Variants in KCNMA1 observed in about 807,000 individuals in gnomAD.
KCNMA1 encodes potassium calcium-activated channel subfamily M alpha 1.
Under a neutral mutation model 140.0 loss-of-function variants are expected in KCNMA1, and 29 were observed. The observed-to-expected ratio is 0.21, with a 90% CI of 0.15 to 0.28. The LOEUF (loss-of-function observed/expected upper bound fraction) is 0.28. Ranked by LOEUF, KCNMA1 falls within the 10% of genes least tolerant of loss-of-function variation. The pLI is 1.00. For synonymous variants in KCNMA1, 612 were observed against 611.9 expected, an observed-to-expected ratio of 1.00 and a Z score of 0.00; for missense variants, 880 against 1,602.2, an observed-to-expected ratio of 0.55 and a Z score of 7.70.
chr10:77,097,489 ACT>A (rs552902488), intron 9 of KCNMA1, among the ~76,000 whole-genome samples: 2 of 151,918 alleles, frequency 1.3e-5, no homozygotes, highest in Non-Finnish European at 2.9e-5. Flanking sequence ...CATCTTGGAG[ACT>A]CTATCCCATG....
At chr10:77,549,850 G>A (rs745393533) in intron 1 of KCNMA1, among the ~76,000 whole-genome samples, 8 of 152,204 alleles carry the variant, frequency 5.3e-5, no homozygotes, top group South Asian at 4.1e-4. Context: ...TACTAAATAC[G>A]TGAGAAATTC....
intron 21 of KCNMA1, 184 bp from the exon 22 acceptor site, chr10:76,949,550 T>C: frequency 3.2e-6 from 2 of 625,380 alleles, no homozygotes; most frequent in South Asian, 3.8e-5. Flanking sequence ...AGCACGTGTA[T>C]ATGTATTATA....
At chr10:77,532,047 A>T (rs2057757346) in intron 1 of KCNMA1, among the ~76,000 whole-genome samples, 1 of 152,200 alleles carries the variant, frequency 6.6e-6, no homozygotes, top group Non-Finnish European at 1.5e-5. Flanking sequence ...AACAAAGAAA[A>T]ATGAAGAGGA....
intron 2 of KCNMA1, among the ~76,000 whole-genome samples, chr10:77,291,675 C>T (rs192980378): frequency 3.3e-4 from 50 of 152,276 alleles, no homozygotes; most frequent in Middle Eastern, 6.8e-3. Flanking sequence ...AGAGAGGCTG[C>T]GGTGAGCTGC....
chr10:76,906,813 C>T (rs2048012553), intron 25 of KCNMA1, among the ~76,000 whole-genome samples: 1 of 152,138 alleles, frequency 6.6e-6, no homozygotes, highest in African/African-American at 2.4e-5. Flanking sequence ...GGGTAGAATG[C>T]AAAGAAATCA....
In KCNMA1 at chr10:77,261,027, T is replaced by C. The variant is rs1057420397; in HGVS notation, c.541-9771A>G. On this transcript the variant is annotated intron_variant, in intron 2 of 27. Coordinates refer to ENST00000286628, the MANE Select transcript of KCNMA1 (RefSeq NM_001161352.2). ...GGGCACAGAGACAAACTGTGATTCC[T>C]CTAATCAGAAAGACCGGGTCTCTGT... Among the ~76,000 whole-genome samples the C allele has an allele frequency of 2.0e-5, 3 of 152,164 alleles. 1 individual carries two copies. The highest frequency in any genetic ancestry group is 2.0e-4 in the Admixed American group (3 of 15,266).
At chr10:77,389,339 C>T (rs569337324) in intron 2 of KCNMA1, among the ~76,000 whole-genome samples, 3 of 152,278 alleles carry the variant, frequency 2.0e-5, no homozygotes, top group African/African-American at 4.8e-5. Context: ...TGGGGGCCTC[C>T]GGCAGTCATT....
intron 5 of KCNMA1, among the ~76,000 whole-genome samples, chr10:77,159,199 A>AT (rs1159357476): frequency 1.3e-5 from 2 of 152,032 alleles, no homozygotes; most frequent in Non-Finnish European, 1.5e-5. Context: ...ATACATTTTG[A>AT]TTTTTTTCCT....
intron 1 of KCNMA1, among the ~76,000 whole-genome samples, chr10:77,519,788 T>C (rs1038075529): frequency 6.6e-6 from 1 of 152,260 alleles, no homozygotes; most frequent in African/African-American, 2.4e-5. Context: ...GTTAGAAAAC[T>C]TCTGCATTCT....
intron 14 of KCNMA1, among the ~76,000 whole-genome samples, chr10:77,052,620 C>CAAAAAA (rs5786258): frequency 7.1e-6 from 1 of 141,582 alleles, no homozygotes. Flanking sequence ...GATGAGTGTG[C>CAAAAAA]AAAAAAAAAA....
intron 20 of KCNMA1, among the ~76,000 whole-genome samples, chr10:76,964,000 G>T (rs561680913): frequency 3.3e-5 from 5 of 151,874 alleles, no homozygotes; most frequent in Non-Finnish European, 7.4e-5. Flanking sequence ...CCTCATTCTT[G>T]GGTGCCTTGG....
At chr10:77,384,371 G>A (rs890119206) in intron 2 of KCNMA1, among the ~76,000 whole-genome samples, 12 of 152,194 alleles carry the variant, frequency 7.9e-5, no homozygotes, top group African/African-American at 2.9e-4. Flanking sequence ...GGTTGCCATG[G>A]AAACCAGCCA....
At chr10:77,183,065 G>T (rs2098815472) in intron 5 of KCNMA1, among the ~76,000 whole-genome samples, 1 of 152,188 alleles carries the variant, frequency 6.6e-6, no homozygotes, top group Non-Finnish European at 1.5e-5. Context: ...ACCTGAGCCA[G>T]CCACTCGGAA....
intron 19 of KCNMA1, among the ~76,000 whole-genome samples, chr10:76,999,702 A>G (rs146965964): frequency 6.6e-6 from 1 of 152,194 alleles, no homozygotes; most frequent in East Asian, 1.9e-4. Context: ...TGTAACAGAA[A>G]TCTTTCCAAG....
chr10:77,247,914 GC>G (rs1390159305), intron 3 of KCNMA1, among the ~76,000 whole-genome samples: 7 of 152,064 alleles, frequency 4.6e-5, no homozygotes, highest in African/African-American at 9.7e-5. Context: ...ATCTGTCTTA[GC>G]CAGATAGTAA....
At chr10:77,609,176 C>G (rs1161464216) in intron 1 of KCNMA1, among the ~76,000 whole-genome samples, 1 of 152,138 alleles carries the variant, frequency 6.6e-6, no homozygotes, top group East Asian at 1.9e-4. Flanking sequence ...TCACAATAGC[C>G]AAGAAATCGA....
chr10:76,933,947 T>C (rs1238815127), intron 23 of KCNMA1, among the ~76,000 whole-genome samples: 1 of 152,142 alleles, frequency 6.6e-6, no homozygotes, highest in Non-Finnish European at 1.5e-5. Context: ...CTTTCTTTCT[T>C]TCTTTCTTTT....
chr10:77,538,879 G>A (rs1188975442), intron 1 of KCNMA1, among the ~76,000 whole-genome samples: 1 of 152,232 alleles, frequency 6.6e-6, no homozygotes, highest in East Asian at 1.9e-4. Flanking sequence ...AGTGTGTGTG[G>A]AGTGGTTAGC....
intron 24 of KCNMA1, chr10:76,912,549 T>C (rs2050788056): frequency 1.3e-5 from 2 of 152,202 alleles, no homozygotes; most frequent in Non-Finnish European, 2.9e-5. Flanking sequence ...AAGGGTGGTG[T>C]GAGCACCTGA....
Sources: gnomAD v4.1 joint callset for allele counts (sites outside exome capture counted in the v4.1 genomes callset) on GRCh38, gnomAD v4.1.1 for gene constraint, MANE v1.5 for transcripts, NCBI Gene and HGNC (gene_info 2026-07-23, HGNC 2026-07-21) for gene names.